Variants in PCLO observed in about 807,000 individuals in gnomAD.
The protein encoded by PCLO is piccolo presynaptic cytomatrix protein.
PCLO carries 82 observed loss-of-function variants against 427.5 expected under a neutral mutation model. The ratio of observed to expected loss-of-function variants is 0.19; its 90% CI spans 0.16 to 0.23. PCLO has a LOEUF of 0.23. PCLO is among the 10% of genes least tolerant of loss of function. The probability of loss-of-function intolerance (pLI) is 1.00; values close to 1 mark genes in which losing one functional copy is unlikely to be tolerated. For synonymous variants in PCLO, 2,357 were observed against 2,155.4 expected (o/e 1.09, Z -2.59); for missense variants, 6,239 against 6,115.9 (o/e 1.02, Z -0.67).
chr7:83,050,805 C>T (rs10233750), intron 3 of PCLO, among the ~76,000 whole-genome samples: 48,778 of 150,952 alleles, frequency 0.32, 9,070 homozygotes, highest in East Asian at 0.73. Flanking sequence ...CCCAGCTACT[C>T]AGGAGGCTAA....
At chr7:82,841,193 T>C (rs554212541) in intron 14 of PCLO, among the ~76,000 whole-genome samples, 1 of 152,092 alleles carries the variant, frequency 6.6e-6, no homozygotes, top group Non-Finnish European at 1.5e-5. Context: ...ATTCGACAAA[T>C]ATAAAGTAAC....
chr7:82,993,638 G>C (rs1178036976), intron 3 of PCLO, among the ~76,000 whole-genome samples: 1 of 151,796 alleles, frequency 6.6e-6, no homozygotes, highest in Non-Finnish European at 1.5e-5. Context: ...AAATGTGATT[G>C]CACACTTAAT....
chr7:83,008,229 C>A (rs1398115792), intron 3 of PCLO, among the ~76,000 whole-genome samples: 3 of 151,598 alleles, frequency 2.0e-5, no homozygotes, highest in Non-Finnish European at 4.4e-5. Context: ...AAGGAATTAA[C>A]TATTTTTAAT....
chr7:82,867,016 G>T (rs1288550603), intron 10 of PCLO, among the ~76,000 whole-genome samples: 1 of 152,020 alleles, frequency 6.6e-6, no homozygotes, highest in African/African-American at 2.4e-5. Context: ...AATGTATTCT[G>T]CATTTCTTTA....
At chr7:82,874,059 T>A (rs1051335549) in intron 10 of PCLO, among the ~76,000 whole-genome samples, 1 of 152,184 alleles carries the variant, frequency 6.6e-6, no homozygotes, top group African/African-American at 2.4e-5. Context: ...ATGCTTAAAT[T>A]TACATGATTA....
At chr7:83,050,258 T>G (rs1445027386) in intron 3 of PCLO, among the ~76,000 whole-genome samples, 1 of 11,162 alleles carries the variant, frequency 9.0e-5, no homozygotes, top group African/African-American at 3.1e-4. Flanking sequence ...CAAAAAAAAC[T>G]AGAAGTGCTT....
chr7:82,890,963 T>C (rs1793748545), intron 9 of PCLO, among the ~76,000 whole-genome samples: 1 of 152,112 alleles, frequency 6.6e-6, no homozygotes, highest in Admixed American at 6.6e-5. Context: ...CATTATTTTC[T>C]TTGGATTTTT....
intron 3 of PCLO, among the ~76,000 whole-genome samples, chr7:83,113,682 C>T (rs1791061110): frequency 2.0e-5 from 3 of 151,982 alleles, no homozygotes; most frequent in African/African-American, 4.8e-5. Context: ...TGGAATAATG[C>T]CTGGCACTCA....
In PCLO at chr7:82,976,324, C is replaced by T. The variant is rs545668124; in HGVS notation, c.3301-9837G>A. 4.6e-5 allele frequency among the ~76,000 whole-genome samples: 7 copies of T among 152,278 alleles called. No homozygotes were observed. In the East Asian group the frequency reaches 7.7e-4, roughly 17 times the overall value. On this transcript the variant is annotated intron_variant, in intron 3 of 24. Transcript: ENST00000333891. ...TGGGTTCCAGCTTGTCCATCCTCTC[C>T]CCTACTTTAAATTCTTTCCTTCCTC... is the stretch of plus-strand genomic sequence containing the variant.
chr7:82,815,812 C>T (rs549546240), intron 20 of PCLO, among the ~76,000 whole-genome samples: 7 of 151,962 alleles, frequency 4.6e-5, no homozygotes, highest in Non-Finnish European at 8.8e-5. Flanking sequence ...ACTTTTTGCA[C>T]CAACCTAATA....
rs1795305854 is a variant in PCLO at position 82,950,265 on chromosome 7, C to T, written c.10323G>A (p.Val3441=). The part of the protein sequence containing the change: ...TDDPRSFKKI[V]DSGVQTDDED... ...CGTCATCCGTTTGTACACCACTGTC[C>T]ACTATCTTTTTAAAACTTCGGGGAT... Residue 3441 remains valine (V), a synonymous_variant, in exon 6 of 25, where the codon GTG becomes GTA. Transcript: ENST00000333891. 1.4e-5 allele frequency: 22 copies of T among 1,613,058 alleles called. No homozygotes were observed. In the East Asian group the frequency reaches 4.9e-4, roughly 36 times the overall value.
intron 2 of PCLO, 147 bp downstream of exon 2, chr7:83,154,601 C>G: frequency 1.5e-6 from 1 of 646,748 alleles, no homozygotes; most frequent in South Asian, 2.2e-5. Context: ...AAAAAAATTA[C>G]AACTGGCAGA....
chr7:82,851,920 CATAG>C (rs759179552), intron 10 of PCLO, among the ~76,000 whole-genome samples: 2 of 151,944 alleles, frequency 1.3e-5, no homozygotes, highest in Non-Finnish European at 2.9e-5. Context: ...ATGAGAAAGA[CATAG>C]ATAGAGAAGT....
chr7:83,051,296 T>C (rs1355730277), intron 3 of PCLO, among the ~76,000 whole-genome samples: 1 of 150,944 alleles, frequency 6.6e-6, no homozygotes, highest in Non-Finnish European at 1.5e-5. Flanking sequence ...TGATGTTCTA[T>C]ACATAAGATC....
chr7:82,834,951 TTTTTG>T (rs1324117348), intron 16 of PCLO, among the ~76,000 whole-genome samples: 2 of 125,542 alleles, frequency 1.6e-5, no homozygotes, highest in Admixed American at 1.6e-4. Context: ...ATTATCTTTT[TTTTTG>T]TTTGTTTGTT....
At chr7:83,123,818 G>T (rs56178995) in intron 3 of PCLO, among the ~76,000 whole-genome samples, 127 of 151,736 alleles carry the variant, frequency 8.4e-4, no homozygotes, top group African/African-American at 2.8e-3. Context: ...AGGGTCAGGC[G>T]CAGTGGCTCA....
intron 21 of PCLO, among the ~76,000 whole-genome samples, chr7:82,802,785 A>G (rs541434291): frequency 3.2e-4 from 49 of 152,246 alleles, no homozygotes; most frequent in Non-Finnish European, 5.7e-4. Context: ...TAATAATCCA[A>G]TTATATCTTA....
At chr7:82,860,071 G>A (rs908767687) in intron 10 of PCLO, among the ~76,000 whole-genome samples, 5 of 151,996 alleles carry the variant, frequency 3.3e-5, no homozygotes, top group Non-Finnish European at 5.9e-5. Context: ...ACACCTACAG[G>A]ATCTAGGAAA....
chr7:82,824,598 A>G (rs1379719636), intron 18 of PCLO, among the ~76,000 whole-genome samples, 182 bp from the exon 19 acceptor site: 1 of 148,468 alleles, frequency 6.7e-6, no homozygotes, highest in Non-Finnish European at 1.5e-5. Context: ...AATGTCTTTT[A>G]CATACTAGAT....
Sources: gnomAD v4.1 joint callset for allele counts (sites outside exome capture counted in the v4.1 genomes callset) on GRCh38, gnomAD v4.1.1 for gene constraint, MANE v1.5 for transcripts, NCBI Gene and HGNC (gene_info 2026-07-23, HGNC 2026-07-21) for gene names.